The following GALNT17 variants were observed in gnomAD, a reference collection of about 807,000 sequenced individuals.
The protein encoded by GALNT17 is polypeptide N-acetylgalactosaminyltransferase 17.
GALNT17 carries 29 observed loss-of-function variants against 63.7 expected under a neutral mutation model. The ratio of observed to expected loss-of-function variants is 0.46; its 90% confidence interval spans 0.34 to 0.62. The LOEUF (loss-of-function observed/expected upper bound fraction) is 0.62. Among genes scored for constraint, GALNT17 ranks in the 20% least tolerant of loss-of-function variants. GALNT17 has a pLI of 0.01. For missense variants in GALNT17, 603 were observed against 799.6 expected, an observed-to-expected ratio of 0.75 and a Z score of 2.97; for synonymous variants, 305 against 318.3, an observed-to-expected ratio of 0.96 and a Z score of 0.45.
chr7:71,212,306 G>T (rs543346934), intron 1 of GALNT17, among the ~76,000 whole-genome samples: 1 of 152,218 alleles, frequency 6.6e-6, no homozygotes, highest in African/African-American at 2.4e-5. Flanking sequence ...GAACCTGAGG[G>T]TGCACAGAAG....
At chr7:71,629,150 C>G (rs10247797) in intron 6 of GALNT17, among the ~76,000 whole-genome samples, 1 of 151,746 alleles carries the variant, frequency 6.6e-6, no homozygotes, top group Non-Finnish European at 1.5e-5. Flanking sequence ...AGCAGAGGCA[C>G]CAAGCAGGAA....
chr7:71,207,864 G>A (rs1789302203), intron 1 of GALNT17, among the ~76,000 whole-genome samples: 1 of 152,168 alleles, frequency 6.6e-6, no homozygotes, highest in Non-Finnish European at 1.5e-5. Flanking sequence ...GATTTGTCAT[G>A]GGTACAACAT....
intron 5 of GALNT17, among the ~76,000 whole-genome samples, chr7:71,490,129 G>A (rs573952173): frequency 6.6e-6 from 1 of 151,968 alleles, no homozygotes; most frequent in Admixed American, 6.6e-5. Context: ...CGTGGTGGCG[G>A]CACCTGTAAT....
chr7:71,606,346 C>A (rs1790048345), intron 6 of GALNT17, among the ~76,000 whole-genome samples: 1 of 152,176 alleles, frequency 6.6e-6, no homozygotes, highest in Admixed American at 6.5e-5. Flanking sequence ...GAATCTGTCA[C>A]CTTTGGTGGT....
chr7:71,508,585 C>T (rs754376773), intron 5 of GALNT17, among the ~76,000 whole-genome samples: 2 of 152,046 alleles, frequency 1.3e-5, no homozygotes, highest in African/African-American at 2.4e-5. Context: ...AGCAGACTCT[C>T]GGGGTGTTAC....
At chr7:71,231,771 G>GGA (rs928986135) in intron 1 of GALNT17, among the ~76,000 whole-genome samples, 36 of 150,162 alleles carry the variant, frequency 2.4e-4, no homozygotes, top group African/African-American at 8.1e-4. Context: ...AGAGGGAGAG[G>GGA]GAGAGAGAGA....
At chr7:71,328,372 C>T (rs750651779) in intron 1 of GALNT17, among the ~76,000 whole-genome samples, 1 of 152,222 alleles carries the variant, frequency 6.6e-6, no homozygotes, top group Non-Finnish European at 1.5e-5. Context: ...TGCTTTCTCT[C>T]TTTGCTGCTG....
chr7:71,195,053 T>C (rs1176183699), intron 1 of GALNT17, among the ~76,000 whole-genome samples: 1 of 152,178 alleles, frequency 6.6e-6, no homozygotes, highest in African/African-American at 2.4e-5. Flanking sequence ...GTAGCTAATA[T>C]GTATATGCAT....
chr7:71,315,063 A>ACT (rs1791476691), intron 1 of GALNT17, among the ~76,000 whole-genome samples: 2 of 152,124 alleles, frequency 1.3e-5, no homozygotes, highest in Non-Finnish European at 2.9e-5. Flanking sequence ...GCAATCACTA[A>ACT]TCTATTATTT....
At chr7:71,609,915 A>G (rs2116950403) in intron 6 of GALNT17, among the ~76,000 whole-genome samples, 1 of 152,224 alleles carries the variant, frequency 6.6e-6, no homozygotes, top group Admixed American at 6.6e-5. Context: ...CTCAATCGAT[A>G]AATATTTATT....
chr7:71,477,841 G>A (rs1351420487), intron 5 of GALNT17, among the ~76,000 whole-genome samples: 1 of 152,148 alleles, frequency 6.6e-6, no homozygotes. Flanking sequence ...TTCAGACCTT[G>A]TTAGAAAAAC....
At chr7:71,275,136 T>G (rs769851163) in intron 1 of GALNT17, among the ~76,000 whole-genome samples, 1 of 152,186 alleles carries the variant, frequency 6.6e-6, no homozygotes, top group Non-Finnish European at 1.5e-5. Context: ...AATGGCTTAA[T>G]CTCTCCGGCA....
chr7:71,340,747 C>T (rs1399853286), intron 2 of GALNT17, among the ~76,000 whole-genome samples: 1 of 152,088 alleles, frequency 6.6e-6, no homozygotes, highest in Non-Finnish European at 1.5e-5. Context: ...AGATAATAAT[C>T]ATAAGGCCAG....
chr7:71,342,261 C>G (rs549695883), intron 2 of GALNT17, among the ~76,000 whole-genome samples: 2 of 152,212 alleles, frequency 1.3e-5, no homozygotes, highest in South Asian at 4.2e-4. Flanking sequence ...GGTGAGCCAG[C>G]CTGTCACATG....
intron 5 of GALNT17, among the ~76,000 whole-genome samples, chr7:71,501,940 T>C (rs1354770671): frequency 6.6e-5 from 10 of 151,970 alleles, no homozygotes; most frequent in African/African-American, 2.2e-4. Context: ...CCCATTTCAC[T>C]AGAGAAGCCC....
chr7:71,163,135 G>C (rs1305962400), intron 1 of GALNT17, among the ~76,000 whole-genome samples: 1 of 152,214 alleles, frequency 6.6e-6, no homozygotes, highest in Non-Finnish European at 1.5e-5. Flanking sequence ...ATAAGAGAAA[G>C]AGAGTAGTTA....
At chr7:71,495,920 T>C (rs1788086538) in intron 5 of GALNT17, among the ~76,000 whole-genome samples, 1 of 152,168 alleles carries the variant, frequency 6.6e-6, no homozygotes, top group South Asian at 2.1e-4. Flanking sequence ...ATGTAAATGA[T>C]GTCCTTGAGA....
chr7:71,556,549 T>A (rs1444082003), intron 5 of GALNT17, among the ~76,000 whole-genome samples: 1 of 152,026 alleles, frequency 6.6e-6, no homozygotes, highest in African/African-American at 2.4e-5. Context: ...ACCCTCGGCA[T>A]CATCTTTTTT....
chr7:71,201,957 A>G (rs1789182174), intron 1 of GALNT17, among the ~76,000 whole-genome samples: 2 of 152,136 alleles, frequency 1.3e-5, no homozygotes, highest in African/African-American at 2.4e-5. Flanking sequence ...AATTCTTTAA[A>G]CATTTGGGAT....
Sources: allele counts gnomAD v4.1 joint callset (sites outside exome capture counted in the v4.1 genomes callset), GRCh38; gene constraint gnomAD v4.1.1; transcripts MANE v1.5; gene names NCBI Gene and HGNC (gene_info 2026-07-23, HGNC 2026-07-21).